SGK1: variants seen among roughly 807,000 people sequenced by gnomAD.
The protein encoded by SGK1 is serine/threonine-protein kinase Sgk1.
A neutral mutation model predicts 64.2 loss-of-function variants in SGK1; 26 were observed. The ratio of observed to expected loss-of-function variants is 0.40; its 90% CI spans 0.30 to 0.56. SGK1 has a LOEUF of 0.56. SGK1 is among the 20% of genes least tolerant of loss of function. SGK1 has a pLI of 0.38. For synonymous variants in SGK1, 265 were observed against 239.7 expected, an observed-to-expected ratio of 1.11 and a Z score of -0.98; for missense variants, 519 against 645.6, an observed-to-expected ratio of 0.80 and a Z score of 2.12.
chr6:134,211,813 G>A (rs1386252567), intron 2 of SGK1, among the ~76,000 whole-genome samples: 2 of 148,682 alleles, frequency 1.3e-5, no homozygotes, highest in Non-Finnish European at 3.0e-5. Context: ...GACTGAGGTT[G>A]CAGTGAGCCG....
Position 134,299,934 on chromosome 6 carries a change from T to G in SGK1, c.69+17458A>C, listed in dbSNP as rs185602144. Among the ~76,000 whole-genome samples, 393 of 151,164 alleles carry G rather than the reference T, an allele frequency of 2.6e-3. 3 individuals carry two copies. Among genetic ancestry groups the G allele is most frequent in the African/African-American group, 8.9e-3 (367 of 41,176 alleles). On this transcript the variant is annotated intron_variant, in intron 1 of 13. Coordinates refer to ENST00000367858, the MANE Select transcript of SGK1 (RefSeq NM_001143676.3). ...TCACAAAATAAAATGCTTTTTTAAT[T>G]CAAAAAAAGAAAGTAAGTCAAAAAG...
At chr6:134,226,939 T>G (rs1221498732) in intron 2 of SGK1, among the ~76,000 whole-genome samples, 2 of 152,128 alleles carry the variant, frequency 1.3e-5, no homozygotes, top group Non-Finnish European at 2.9e-5. Context: ...CCTCACACTT[T>G]GGCCTCCCAG....
intron 1 of SGK1, among the ~76,000 whole-genome samples, chr6:134,285,210 G>A (rs1777162732): frequency 6.6e-6 from 1 of 152,074 alleles, no homozygotes; most frequent in Non-Finnish European, 1.5e-5. Flanking sequence ...TGTAATCCCA[G>A]CACTTTGGGA....
At chr6:134,197,751 G>A (rs183350577) in intron 3 of SGK1, among the ~76,000 whole-genome samples, 15 of 151,648 alleles carry the variant, frequency 9.9e-5, no homozygotes, top group Admixed American at 2.6e-4. Flanking sequence ...ACTTGAACCC[G>A]GGAGGTGGAG....
At chr6:134,225,701 G>A (rs959103842) in intron 2 of SGK1, among the ~76,000 whole-genome samples, 19 of 152,182 alleles carry the variant, frequency 1.2e-4, no homozygotes, top group African/African-American at 4.3e-4. Flanking sequence ...GTGGGGAAGG[G>A]GAGTCATGGA....
Position 134,207,448 on chromosome 6 carries a change from G to A in SGK1, c.286-17C>T, listed in dbSNP as rs1190635577. 2 of 1,560,008 alleles carry A rather than the reference G, an allele frequency of 1.3e-6. No individual in the cohort carries two copies. Among genetic ancestry groups the A allele is most frequent in the South Asian group, 1.1e-5 (1 of 89,016 alleles). On this transcript the variant is annotated splice_polypyrimidine_tract_variant and intron_variant, in intron 2 of 13. Transcript: ENST00000367858. ...CTCTCTCACCTTTAAAACATAAAGAGAAAAGAAGTGATATAAAAATGGCTT... is the reference window on the plus strand; with the variant it reads ...CTCTCTCACCTTTAAAACATAAAGAAAAAAGAAGTGATATAAAAATGGCTT...
At chr6:134,181,103 TAC>T (rs904635917) in intron 3 of SGK1, among the ~76,000 whole-genome samples, 42 of 152,276 alleles carry the variant, frequency 2.8e-4, no homozygotes, top group African/African-American at 9.4e-4. Flanking sequence ...CGTGGGCATC[TAC>T]TTCCCCCACA....
At chr6:134,274,089 C>T (rs1359193888) in intron 1 of SGK1, among the ~76,000 whole-genome samples, 1 of 151,884 alleles carries the variant, frequency 6.6e-6, no homozygotes, top group African/African-American at 2.4e-5. Flanking sequence ...CTGCAACCTC[C>T]GCCTCCCAGG....
At chr6:134,175,839 C>T in intron 3 of SGK1, 1 of 1,254,078 alleles carries the variant, frequency 8.0e-7, no homozygotes, top group Non-Finnish European at 1.0e-6. Flanking sequence ...GTGCTTTTGG[C>T]CAAAACCAAG....
chr6:134,215,941 A>C lies in SGK1; in HGVS notation c.286-8510T>G, dbSNP rs187636004. Reference sequence around the variant, plus strand: ...TGAGGCAGGAGAATCGCTTGAACCCAGGAGGCGGAGGTTGCAGTGAGTTGA... The same window carrying C: ...TGAGGCAGGAGAATCGCTTGAACCCCGGAGGCGGAGGTTGCAGTGAGTTGA... On this transcript the variant is annotated intron_variant, in intron 2 of 13. Transcript: ENST00000367858. 5.2e-4 allele frequency among the ~76,000 whole-genome samples: 79 copies of C among 152,272 alleles called. 1 individual carries two copies. Among genetic ancestry groups the C allele is most frequent in the Non-Finnish European group, 2.5e-4 (17 of 68,006 alleles).
intron 2 of SGK1, among the ~76,000 whole-genome samples, chr6:134,211,253 A>C (rs969477333): frequency 2.6e-5 from 4 of 152,238 alleles, no homozygotes; most frequent in African/African-American, 9.6e-5. Context: ...CATTTGATAC[A>C]TAAATATGTA....
At chr6:134,274,742 C>T (rs1776994078) in intron 1 of SGK1, among the ~76,000 whole-genome samples, 3 of 149,908 alleles carry the variant, frequency 2.0e-5, no homozygotes, top group Admixed American at 2.0e-4. Context: ...CAGCTTGTAT[C>T]TTCTCGATTC....
At chr6:134,235,862 G>A (rs990043490) in intron 2 of SGK1, among the ~76,000 whole-genome samples, 41 of 151,938 alleles carry the variant, frequency 2.7e-4, no homozygotes, top group East Asian at 1.9e-4. Flanking sequence ...GGTGTGAGCC[G>A]CCGCACCTGG....
intron 3 of SGK1, among the ~76,000 whole-genome samples, chr6:134,193,835 A>AGGGGAGGGGAGGAGAAGGG: frequency 7.2e-4 from 1 of 1,380 alleles, no homozygotes; most frequent in African/African-American, 5.4e-3. Flanking sequence ...GAGGGGAGGG[A>AGGGGAGGGGAGGAGAAGGG]AGGGGAGGGG....
intron 3 of SGK1, chr6:134,175,765 C>T: frequency 7.5e-7 from 1 of 1,335,416 alleles, no homozygotes; most frequent in Non-Finnish European, 9.6e-7. Flanking sequence ...TTTCCTGCCC[C>T]GAGTCCCAAA....
chr6:134,285,080 A>T (rs1028423792), intron 1 of SGK1, among the ~76,000 whole-genome samples: 1 of 152,046 alleles, frequency 6.6e-6, no homozygotes, highest in Non-Finnish European at 1.5e-5. Flanking sequence ...ATCAAATGGT[A>T]GTTCTACTTA....
intron 1 of SGK1, among the ~76,000 whole-genome samples, chr6:134,307,831 T>G (rs1777556172): frequency 6.6e-6 from 1 of 152,198 alleles, no homozygotes; most frequent in Non-Finnish European, 1.5e-5. Context: ...ACTCTCTCTA[T>G]TCCACCAAGT....
Position 134,269,984 on chromosome 6 carries a change from C to T in SGK1, c.70-7836G>A, listed in dbSNP as rs557453037. On this transcript the variant is annotated intron_variant, in intron 1 of 13. Transcript: ENST00000367858. ...TTGACCAGGCTGGAGCGCAATGGCG[C>T]GATCTCAGCTCACTGCAACCTCCGC... 2.7e-5 allele frequency among the ~76,000 whole-genome samples: 4 copies of T among 147,414 alleles called. 1 individual carries two copies. The highest frequency in any genetic ancestry group is 4.5e-5 in the Non-Finnish European group (3 of 66,456).
chr6:134,198,724 C>CTCTTTTTTTTTTTTTT (rs1459010325), intron 3 of SGK1, among the ~76,000 whole-genome samples: 1 of 65,944 alleles, frequency 1.5e-5, no homozygotes, highest in African/African-American at 5.1e-5. Flanking sequence ...TTCTCTTTTT[C>CTCTTTTTTTTTTTTTT]TATTTTTTTT....
Sources: gnomAD v4.1 joint callset for allele counts (sites outside exome capture counted in the v4.1 genomes callset) on GRCh38, gnomAD v4.1.1 for gene constraint, MANE v1.5 for transcripts, NCBI Gene and HGNC (gene_info 2026-07-23, HGNC 2026-07-21) for gene names.